Variants in MMAA observed in about 807,000 individuals in gnomAD.
MMAA encodes metabolism of cobalamin associated A.
In MMAA, 41 loss-of-function variants were observed where a neutral mutation model predicts 45.0. The observed-to-expected ratio is 0.91, with a 90% CI of 0.71 to 1.18. The LOEUF (loss-of-function observed/expected upper bound fraction) is 1.18, where lower values mean the gene tolerates loss of function less well. Among genes scored for constraint, MMAA ranks in the 50% most tolerant of loss-of-function variants. The probability of loss-of-function intolerance (pLI) is 0.00; values close to 1 mark genes in which losing one functional copy is unlikely to be tolerated. For missense variants in MMAA, 460 were observed against 495.7 expected (o/e 0.93, Z 0.68); for synonymous variants, 154 against 178.2 (o/e 0.86, Z 1.08).
chr4:145,637,173 A>C (rs1381895496), intron 1 of MMAA, among the ~76,000 whole-genome samples: 3 of 152,194 alleles, frequency 2.0e-5, no homozygotes, highest in Non-Finnish European at 4.4e-5. Context: ...CTTAGAAAAT[A>C]GTGGTTGAAT....
At position 145,659,473 on chromosome 4, in the gene MMAA, C is replaced by T; in HGVS notation, c.*4039C>T. On this transcript the variant is annotated 3_prime_UTR_variant, in exon 7 of 7. Transcript: ENST00000649156. ...TTATTTTGCTTAGACCCCTCAGCTT[C>T]TTGATAGAGTGAGGTGAGGGCATAT... The T allele has an allele frequency of 6.6e-6, 1 of 152,260 alleles. No homozygotes were observed. Among genetic ancestry groups the T allele is most frequent in the East Asian group, 1.9e-4 (1 of 5,176 alleles). The allele number at this position is 152,260 out of a possible 1,614,324, so 9.4% of individuals were successfully genotyped here.
chr4:145,630,361 T>C (rs560585443), intron 1 of MMAA, among the ~76,000 whole-genome samples: 43 of 152,354 alleles, frequency 2.8e-4, no homozygotes, highest in African/African-American at 1.0e-3. Flanking sequence ...CTTTTTCATC[T>C]CTGCATTTAT....
At chr4:145,652,347 T>C (rs1445498684) in intron 5 of MMAA, among the ~76,000 whole-genome samples, 2 of 152,158 alleles carry the variant, frequency 1.3e-5, no homozygotes, top group Admixed American at 6.5e-5. Flanking sequence ...TGGGTTGATA[T>C]CACATGGCAT....
At chr4:145,642,599 T>C (rs1342698406) in intron 3 of MMAA, 114 bp downstream of exon 3, 41 of 1,439,614 alleles carry the variant, frequency 2.8e-5, no homozygotes, top group Non-Finnish European at 4.0e-5. Context: ...TTGGTCTCGC[T>C]AAAGGAAGGG....
intron 6 of MMAA, 150 bp downstream of exon 6, chr4:145,654,293 T>C (rs1578887940): frequency 1.0e-6 from 1 of 963,804 alleles, no homozygotes; most frequent in East Asian, 2.6e-5. Context: ...GAGTGTGTAG[T>C]CATGATTTTA....
At chr4:145,632,758 A>G (rs1363825359) in intron 1 of MMAA, among the ~76,000 whole-genome samples, 1 of 139,694 alleles carries the variant, frequency 7.2e-6, no homozygotes, top group Non-Finnish European at 1.5e-5. Context: ...CAGCTCACTA[A>G]TTCTTTTTTT....
At chr4:145,645,731 A>C (rs1560798682) in intron 3 of MMAA, among the ~76,000 whole-genome samples, 2 of 152,234 alleles carry the variant, frequency 1.3e-5, no homozygotes, top group Admixed American at 1.3e-4. Flanking sequence ...AGAGTTGGAC[A>C]GGTAAGGTGC....
At chr4:145,621,541 CAA>C (rs1350537537) in intron 1 of MMAA, among the ~76,000 whole-genome samples, 2 of 152,092 alleles carry the variant, frequency 1.3e-5, no homozygotes, top group African/African-American at 4.8e-5. Flanking sequence ...TCCTGCTCTA[CAA>C]AAGTTTCCTG....
At chr4:145,649,057 G>A (rs1305317246) in intron 4 of MMAA, among the ~76,000 whole-genome samples, 2 of 151,404 alleles carry the variant, frequency 1.3e-5, no homozygotes, top group South Asian at 2.1e-4. Context: ...AGGAGGCCAA[G>A]GTGGAAGGAT....
At chr4:145,648,717 G>T (rs755046074) in intron 4 of MMAA, among the ~76,000 whole-genome samples, 1 of 152,160 alleles carries the variant, frequency 6.6e-6, no homozygotes, top group Non-Finnish European at 1.5e-5. Flanking sequence ...GGGCATTGTG[G>T]CCCCAGCCTG....
intron 1 of MMAA, among the ~76,000 whole-genome samples, chr4:145,630,145 A>G (rs936600620): frequency 1.3e-5 from 2 of 152,184 alleles, no homozygotes; most frequent in African/African-American, 4.8e-5. Context: ...GCTTTTCTCT[A>G]TTAGACTTTT....
At chr4:145,653,956 T>C (rs774068339) in intron 5 of MMAA, 38 bp from the exon 6 acceptor site, 1 of 1,611,642 alleles carries the variant, frequency 6.2e-7, no homozygotes, top group Non-Finnish European at 8.5e-7. Context: ...TTTCCCATTT[T>C]TATGTTGGTT....
intron 1 of MMAA, among the ~76,000 whole-genome samples, chr4:145,633,022 C>T (rs1727499696): frequency 6.6e-6 from 1 of 151,704 alleles, no homozygotes; most frequent in South Asian, 2.1e-4. Context: ...GCTGAGATTA[C>T]AGGTATGGGC....
rs999844958 is a variant in MMAA, at chr4:145,655,252, C to G, written c.1075C>G (p.Arg359Gly). The G allele has an allele frequency of 1.9e-6, 3 of 1,614,076 alleles. No homozygotes were observed. Among genetic ancestry groups the G allele is most frequent in the East Asian group, 2.2e-5 (1 of 44,888 alleles). The change falls in exon 7 of 7, where the codon CGA becomes GGA. Residue 359 changes from arginine (R) to glycine (G), a missense_variant. Transcript: ENST00000649156. ...MLASGELTAK[R>G]RKQQKVWMWN... The stretch of plus-strand genomic sequence containing the variant: ...TGCCAGTGGGGAGCTGACTGCCAAA[C>G]GACGGAAGCAACAGAAAGTTTGGAT...
At chr4:145,625,874 A>G (rs1243560998) in intron 1 of MMAA, 1 of 1,429,250 alleles carries the variant, frequency 7.0e-7, no homozygotes, top group Non-Finnish European at 9.8e-7. Flanking sequence ...GGGTTATGCA[A>G]CTGTGAATCT....
chr4:145,625,770 G>T, intron 1 of MMAA: 4 of 1,243,256 alleles, frequency 3.2e-6, no homozygotes, highest in East Asian at 2.3e-5. Context: ...GAGCTGCTGA[G>T]CCTGCTGTTG....
Position 145,659,012 on chromosome 4 carries a change from A to C in MMAA, c.*3578A>C, listed in dbSNP as rs1728311468. On this transcript the variant is annotated 3_prime_UTR_variant, in exon 7 of 7. Transcript: ENST00000649156. The stretch of plus-strand genomic sequence containing the variant: ...GCCATTGTAATTCAGGTAGAGTGTC[A>C]GAGTGGTGGCTGGCACCAACGGTAG... The C allele has an allele frequency of 6.6e-6, 1 of 152,214 alleles. No individual in the cohort carries two copies. The highest frequency in any genetic ancestry group is 6.5e-5 in the Admixed American group (1 of 15,280). 9.4% of individuals were successfully genotyped at this position (152,214 alleles called of 1,614,324 possible).
At chr4:145,650,903 T>G (rs1441293415) in intron 4 of MMAA, 159 bp from the exon 5 acceptor site, 6 of 706,236 alleles carry the variant, frequency 8.5e-6, no homozygotes, top group Admixed American at 2.0e-5. Context: ...GATATGACAT[T>G]TAATACATTC....
intron 1 of MMAA, chr4:145,624,934 GT>G: frequency 7.7e-7 from 1 of 1,296,140 alleles, no homozygotes; most frequent in Non-Finnish European, 1.1e-6. Flanking sequence ...GATTGCCCAC[GT>G]TTTCCAACTC....
Sources: gnomAD v4.1 joint callset for allele counts (sites outside exome capture counted in the v4.1 genomes callset) on GRCh38, gnomAD v4.1.1 for gene constraint, MANE v1.5 for transcripts, NCBI Gene and HGNC (gene_info 2026-07-23, HGNC 2026-07-21) for gene names.